Variants in KANK1 observed in about 807,000 individuals in gnomAD.
KANK1 encodes the protein KN motif and ankyrin repeat domains 1.
In KANK1, 109 loss-of-function variants were observed where a neutral mutation model predicts 106.2. The ratio of observed to expected loss-of-function variants is 1.03; its 90% CI spans 0.88 to 1.20. The LOEUF (loss-of-function observed/expected upper bound fraction) is 1.20, where lower values mean the gene tolerates loss of function less well. Ranked by LOEUF, KANK1 falls within the 50% of genes most tolerant of loss-of-function variation. The pLI, the probability that KANK1 is intolerant of heterozygous loss-of-function variation, is 0.00. For synonymous variants in KANK1, 873 were observed against 652.2 expected, an observed-to-expected ratio of 1.34 and a Z score of -5.16; for missense variants, 2,399 against 1,710.7, an observed-to-expected ratio of 1.40 and a Z score of -7.10.
chr9:510,886 T>C (rs778022537), intron 1 of KANK1, among the ~76,000 whole-genome samples: 1 of 152,138 alleles, frequency 6.6e-6, no homozygotes, highest in Non-Finnish European at 1.5e-5. Context: ...AGTGATAATT[T>C]CTCTAAGATG....
At chr9:484,948 T>A (rs575501418) in intron 3 of KANK1, among the ~76,000 whole-genome samples, 2 of 147,364 alleles carry the variant, frequency 1.4e-5, no homozygotes, top group East Asian at 3.9e-4. Context: ...AAAAAAAAAG[T>A]TAGGCCTCAT....
intron 2 of KANK1, chr9:707,230 C>T (rs1297802134): frequency 2.0e-6 from 2 of 985,952 alleles, no homozygotes; most frequent in African/African-American, 3.5e-5. Flanking sequence ...TGGCGGGGAG[C>T]GCGGCGGGCG....
chr9:737,911 C>T (rs1834224939), intron 7 of KANK1, among the ~76,000 whole-genome samples: 1 of 152,172 alleles, frequency 6.6e-6, no homozygotes, highest in Non-Finnish European at 1.5e-5. Flanking sequence ...ATTCTCATCA[C>T]AGAAACTATG....
intron 1 of KANK1, chr9:540,675 A>T (rs1446030045): frequency 2.0e-5 from 3 of 152,090 alleles, no homozygotes; most frequent in Non-Finnish European, 4.4e-5. Flanking sequence ...GAGGTTTGTG[A>T]TTTCTGATTC....
At chr9:606,848 T>G (rs562662743) in intron 1 of KANK1, among the ~76,000 whole-genome samples, 42 of 151,740 alleles carry the variant, frequency 2.8e-4, no homozygotes, top group South Asian at 1.2e-3. Context: ...CTGTTCTTAC[T>G]ACTGTGGAAA....
intron 1 of KANK1, among the ~76,000 whole-genome samples, chr9:548,301 C>A (rs1482050290): frequency 6.6e-6 from 1 of 152,150 alleles, no homozygotes; most frequent in South Asian, 2.1e-4. Context: ...AGGGAAGAGT[C>A]CCAGCTTTTT....
intron 1 of KANK1, among the ~76,000 whole-genome samples, chr9:573,726 C>G (rs1404577356): frequency 6.6e-6 from 1 of 152,056 alleles, no homozygotes; most frequent in East Asian, 1.9e-4. Flanking sequence ...CTCCCACCCC[C>G]ACCTCACCCA....
chr9:620,789 T>TC (rs1307876986), intron 1 of KANK1, among the ~76,000 whole-genome samples: 1 of 152,190 alleles, frequency 6.6e-6, no homozygotes, highest in Non-Finnish European at 1.5e-5. Context: ...TTTTAAAAAT[T>TC]TAATATTGGA....
intron 4 of KANK1, 77 bp from the exon 5 acceptor site, chr9:731,081 A>G (rs1832110346): frequency 1.4e-6 from 1 of 707,760 alleles, no homozygotes. Context: ...GCATGAGAAA[A>G]GAACTGTACA....
chr9:619,569 A>G (rs1422423113), intron 1 of KANK1, among the ~76,000 whole-genome samples: 1 of 152,108 alleles, frequency 6.6e-6, no homozygotes, highest in South Asian at 2.1e-4. Context: ...CTGTATAATG[A>G]TAATAGCTCT....
At chr9:695,530 A>G (rs1821032815) in intron 2 of KANK1, among the ~76,000 whole-genome samples, 1 of 152,138 alleles carries the variant, frequency 6.6e-6, no homozygotes, top group East Asian at 1.9e-4. Context: ...AGAAGAAGAA[A>G]CCAATGTAGA....
At chr9:477,212 T>C (rs1019347827) in intron 3 of KANK1, among the ~76,000 whole-genome samples, 2 of 152,142 alleles carry the variant, frequency 1.3e-5, no homozygotes, top group Non-Finnish European at 2.9e-5. Context: ...TTTTTCTCTT[T>C]TATATTTTGT....
intron 1 of KANK1, among the ~76,000 whole-genome samples, chr9:648,814 G>T (rs187422184): frequency 1.2e-4 from 18 of 152,282 alleles, no homozygotes; most frequent in Non-Finnish European, 2.1e-4. Context: ...CATGTCAGTT[G>T]TCATGTTTGG....
chr9:611,751 C>G (rs192061351), intron 1 of KANK1, among the ~76,000 whole-genome samples: 27 of 152,286 alleles, frequency 1.8e-4, no homozygotes, highest in Admixed American at 1.6e-3. Context: ...CAAAGTCTTT[C>G]TCTGTTGCCC....
intron 1 of KANK1, among the ~76,000 whole-genome samples, chr9:644,170 A>G (rs1278163210): frequency 6.6e-6 from 1 of 150,972 alleles, no homozygotes; most frequent in Non-Finnish European, 1.5e-5. Flanking sequence ...TCTCTATAAC[A>G]GAGGAAGCAG....
In KANK1 at chr9:519,807, G is replaced by A. The variant is rs535603085; in HGVS notation, c.-84+15053G>A. 9.3e-4 allele frequency among the ~76,000 whole-genome samples: 141 copies of A among 151,752 alleles called. 3 individuals are homozygous for A. Among genetic ancestry groups the A allele is most frequent in the African/African-American group, 3.2e-3 (132 of 41,114 alleles). Reference sequence around the variant, plus strand: ...ATTGTTCTCAATAAGGTCTTCTAAAGGTCAGACAAACAAGTCATTTAGATT... The same window carrying A: ...ATTGTTCTCAATAAGGTCTTCTAAAAGTCAGACAAACAAGTCATTTAGATT... On this transcript the variant is annotated intron_variant, in intron 1 of 11. Transcript: ENST00000382297.
chr9:508,202 G>A (rs926826218), intron 1 of KANK1, among the ~76,000 whole-genome samples: 4 of 130,784 alleles, frequency 3.1e-5, no homozygotes, highest in African/African-American at 8.9e-5. Flanking sequence ...GCATTGGGGT[G>A]ATCTCAGCTC....
chr9:633,259 A>G (rs989148963), intron 1 of KANK1, among the ~76,000 whole-genome samples: 1 of 152,080 alleles, frequency 6.6e-6, no homozygotes, highest in Non-Finnish European at 1.5e-5. Context: ...GATCGAGACC[A>G]TCCCGGCTAA....
chr9:638,062 G>A (rs1442723427), intron 1 of KANK1, among the ~76,000 whole-genome samples: 2 of 152,168 alleles, frequency 1.3e-5, no homozygotes, highest in Non-Finnish European at 2.9e-5. Flanking sequence ...GATGCACACT[G>A]TTTAATAGCC....
Sources: allele counts gnomAD v4.1 joint callset (sites outside exome capture counted in the v4.1 genomes callset), GRCh38; gene constraint gnomAD v4.1.1; transcripts MANE v1.5; gene names NCBI Gene and HGNC (gene_info 2026-07-23, HGNC 2026-07-21).